The following DTHD1 variants were observed in gnomAD, a reference collection of about 807,000 sequenced individuals.
DTHD1 encodes the protein death domain containing 1, also known as death domain-containing protein 1.
Under a neutral mutation model 74.8 loss-of-function variants are expected in DTHD1, and 59 were observed. The observed-to-expected ratio is 0.79, with a 90% CI of 0.64 to 0.98. The LOEUF (loss-of-function observed/expected upper bound fraction) is 0.98. DTHD1 is among the 50% of genes least tolerant of loss of function. DTHD1 has a pLI of 0.00. For missense variants in DTHD1, 1,051 were observed against 1,065.4 expected (o/e 0.99, Z 0.19); for synonymous variants, 365 against 371.1 (o/e 0.98, Z 0.19).
At chr4:36,319,566 A>G (rs967235743) in intron 8 of DTHD1, among the ~76,000 whole-genome samples, 4 of 152,206 alleles carry the variant, frequency 2.6e-5, no homozygotes, top group Admixed American at 1.3e-4. Context: ...GAGACAAGCC[A>G]GTGGTGGTTG....
intron 8 of DTHD1, among the ~76,000 whole-genome samples, chr4:36,322,181 C>A (rs1397418698): frequency 6.6e-6 from 1 of 151,564 alleles, no homozygotes; most frequent in Non-Finnish European, 1.5e-5. Flanking sequence ...ACATTTCTTG[C>A]AGAAAAACCC....
chr4:36,283,614 G>A (rs1464986702), intron 1 of DTHD1, among the ~76,000 whole-genome samples: 1 of 152,210 alleles, frequency 6.6e-6, no homozygotes, highest in Non-Finnish European at 1.5e-5. Context: ...AGTGGTAAAA[G>A]AAGAGTTCTC....
intron 7 of DTHD1, 95 bp from the exon 8 acceptor site, chr4:36,316,147 G>A: frequency 8.6e-7 from 1 of 1,161,942 alleles, no homozygotes; most frequent in Non-Finnish European, 1.2e-6. Flanking sequence ...ATGTTAGCCA[G>A]GATGGTCTCG....
chr4:36,343,083 C>CAACAAACAAACAAACAAACA (rs149943081), intron 9 of DTHD1, among the ~76,000 whole-genome samples: 40 of 150,588 alleles, frequency 2.7e-4, no homozygotes, highest in African/African-American at 9.9e-4. Flanking sequence ...GAGCGAGACT[C>CAACAAACAAACAAACAAACA]AACAAACAAA....
chr4:36,313,158 C>T (rs1397531906), intron 7 of DTHD1, among the ~76,000 whole-genome samples: 1 of 152,002 alleles, frequency 6.6e-6, no homozygotes, highest in East Asian at 1.9e-4. Flanking sequence ...ATATTTAATG[C>T]CCATTATTGA....
rs1326138751 is a variant in DTHD1, at chr4:36,284,533, A to G, written c.829A>G (p.Ser277Gly). 6.5e-7 allele frequency: 1 copy of G among 1,532,946 alleles called. No homozygotes were observed. The highest frequency in any genetic ancestry group is 1.2e-5 in the South Asian group (1 of 82,852). The allele number at this position is 1,532,946 out of a possible 1,614,324, so 95.0% of individuals were successfully genotyped here. Residue 277 changes from serine (S) to glycine (G), a missense_variant, in exon 2 of 10, where the codon AGT (serine) becomes GGT (glycine). Transcript: ENST00000639862. ...TGATATCTCCAAGAAATATATAAATAGTACTCTTCCCAATGATTCAGAGAA... is the reference window on the plus strand; with the variant it reads ...TGATATCTCCAAGAAATATATAAATGGTACTCTTCCCAATGATTCAGAGAA... ...ICDISKKYIN[S>G]TLPNDSENIK... is the part of the protein sequence containing the mutation.
At chr4:36,295,865 A>G (rs1472912328) in intron 5 of DTHD1, among the ~76,000 whole-genome samples, 1 of 152,084 alleles carries the variant, frequency 6.6e-6, no homozygotes, top group Non-Finnish European at 1.5e-5. Context: ...AAGTGCTGCA[A>G]ACTAATAATT....
rs79675494 is a variant in DTHD1 at position 36,335,192 on chromosome 4, C to T, written c.2341-3920C>T. 9.6e-3 allele frequency among the ~76,000 whole-genome samples: 1,455 copies of T among 152,130 alleles called. 11 individuals are homozygous for T. The highest frequency in any genetic ancestry group is 0.032 in the African/African-American group (1,343 of 41,490). The stretch of plus-strand genomic sequence containing the variant: ...ATTTGAAGGGGCGTATCATTTAAAT[C>T]GAGAGACGATATCATCATGTGAATA... On this transcript the variant is annotated intron_variant, in intron 8 of 9. Transcript: ENST00000639862.
At chr4:36,297,639 ATGCCC>A (rs1756512972) in intron 5 of DTHD1, among the ~76,000 whole-genome samples, 1 of 152,110 alleles carries the variant, frequency 6.6e-6, no homozygotes, top group African/African-American at 2.4e-5. Flanking sequence ...ATGGCCAGTG[ATGCCC>A]TTCTGAGATT....
In DTHD1 at chr4:36,339,205, T is replaced by G. The variant is rs542306354; in HGVS notation, c.2398+36T>G. 15 of 1,411,166 alleles carry G rather than the reference T, an allele frequency of 1.1e-5. 1 individual carries two copies. In the South Asian group the frequency reaches 1.8e-4, roughly 16 times the overall value. 87.4% of individuals were successfully genotyped at this position (1,411,166 alleles called of 1,614,324 possible). ...TTTGCTTTGTCATCATTATAGTGCT[T>G]CCCCACCCCCTTATATGTTGTATAT... is the stretch of plus-strand genomic sequence containing the variant. On this transcript the variant is annotated intron_variant, in intron 9 of 9. Transcript: ENST00000639862.
chr4:36,315,249 A>T (rs977398540), intron 7 of DTHD1, among the ~76,000 whole-genome samples: 8 of 152,238 alleles, frequency 5.3e-5, no homozygotes, highest in African/African-American at 9.6e-5. Flanking sequence ...TTATGTTCAC[A>T]AAAGCTCTAG....
chr4:36,308,108 T>C (rs1233761825), intron 6 of DTHD1, 96 bp from the exon 7 acceptor site: 8 of 1,160,408 alleles, frequency 6.9e-6, no homozygotes, highest in Non-Finnish European at 9.6e-6. Flanking sequence ...AAAAGACGTC[T>C]GTTTGATATG....
At chr4:36,338,914 T>C (rs1024648086) in intron 8 of DTHD1, among the ~76,000 whole-genome samples, 198 bp from the exon 9 acceptor site, 1 of 152,214 alleles carries the variant, frequency 6.6e-6, no homozygotes, top group African/African-American at 2.4e-5. Context: ...TGTGCTGAAA[T>C]ATTTGGGTTA....
At chr4:36,319,922 C>T (rs758116961) in intron 8 of DTHD1, among the ~76,000 whole-genome samples, 3 of 152,208 alleles carry the variant, frequency 2.0e-5, no homozygotes, top group Non-Finnish European at 4.4e-5. Context: ...TCTTTCACAT[C>T]GGTGCTGAAG....
At chr4:36,310,448 T>G (rs1396630892) in intron 7 of DTHD1, among the ~76,000 whole-genome samples, 1 of 152,196 alleles carries the variant, frequency 6.6e-6, no homozygotes. Flanking sequence ...CTGCTTGCCC[T>G]GTGGTGGAAT....
chr4:36,294,789 G>C lies in DTHD1; in HGVS notation c.1399-6G>C, dbSNP rs772136247. The C allele has an allele frequency of 1.2e-5, 18 of 1,513,792 alleles. No homozygotes were observed. The African/African-American group carries it at 2.5e-4, about 21-fold the overall frequency. 93.8% of individuals were successfully genotyped at this position (1,513,792 alleles called of 1,614,324 possible). ...AAACATAAGAAAAAATATATTTTTT[G>C]TTTAGATCCAACCAGTTGACCCAGC... On this transcript the variant is annotated splice_region_variant and splice_polypyrimidine_tract_variant and intron_variant, in intron 4 of 9. Transcript: ENST00000639862.
chr4:36,304,325 C>T (rs1463756531), intron 5 of DTHD1, among the ~76,000 whole-genome samples: 3 of 152,084 alleles, frequency 2.0e-5, no homozygotes, highest in African/African-American at 7.2e-5. Context: ...TAGAATTTAC[C>T]ATATCTGTGG....
At chr4:36,323,872 C>A (rs758835200) in intron 8 of DTHD1, among the ~76,000 whole-genome samples, 1 of 152,116 alleles carries the variant, frequency 6.6e-6, no homozygotes, top group East Asian at 1.9e-4. Context: ...AAAATCTTCT[C>A]ACTCTTTCCA....
chr4:36,317,557 T>C (rs762882700), intron 8 of DTHD1, among the ~76,000 whole-genome samples: 2 of 152,202 alleles, frequency 1.3e-5, no homozygotes, highest in Non-Finnish European at 2.9e-5. Flanking sequence ...TATATAAAAA[T>C]TAACTTCCTC....
Sources: gnomAD v4.1 joint callset for allele counts (sites outside exome capture counted in the v4.1 genomes callset) on GRCh38, gnomAD v4.1.1 for gene constraint, MANE v1.5 for transcripts, NCBI Gene and HGNC (gene_info 2026-07-23, HGNC 2026-07-21) for gene names.